Variants in B4GALT5 observed in about 807,000 individuals in gnomAD.
B4GALT5 encodes the protein beta-1,4-galactosyltransferase 5, also known as UDP-Gal:beta-GlcNAc beta-1,4-galactosyltransferase 5.
In B4GALT5, 11 loss-of-function variants were observed where a neutral mutation model predicts 45.0. The ratio of observed to expected loss-of-function variants is 0.24; its 90% CI spans 0.15 to 0.40. The LOEUF is 0.40. Among genes scored for constraint, B4GALT5 ranks in the 10% least tolerant of loss-of-function variants. The pLI, the probability that B4GALT5 is intolerant of heterozygous loss-of-function variation, is 1.00. For missense variants in B4GALT5, 337 were observed against 500.2 expected, an observed-to-expected ratio of 0.67 and a Z score of 3.11; for synonymous variants, 185 against 182.9, an observed-to-expected ratio of 1.01 and a Z score of -0.09.
Position 49,637,436 on chromosome 20 carries a change from C to T in B4GALT5, c.924G>A (p.Gln308=), listed in dbSNP as rs763114761. ...GEDDDLWNRV[Q]NAGYSVSRPE... The stretch of plus-strand genomic sequence containing the variant: ...GCCGGCTCACAGAATAGCCTGCATT[C>T]TGTACTCTGTCCAAGACCAAGAGAA... The change falls in exon 8 of 9, where the codon CAG becomes CAA. Residue 308 remains glutamine, a synonymous_variant. Coordinates refer to ENST00000371711, the MANE Select transcript of B4GALT5 (RefSeq NM_004776.4). 2.5e-6 allele frequency: 4 copies of T among 1,613,754 alleles called. No homozygotes were observed. The South Asian group carries it at 4.4e-5, about 18-fold the overall frequency.
At chr20:49,663,457 T>G (rs942949813) in intron 1 of B4GALT5, among the ~76,000 whole-genome samples, 1 of 148,024 alleles carries the variant, frequency 6.8e-6, no homozygotes, top group Non-Finnish European at 1.5e-5. Flanking sequence ...AAAAAAAACA[T>G]AGGAAGAGTA....
At chr20:49,684,025 C>A (rs1054314333) in intron 1 of B4GALT5, among the ~76,000 whole-genome samples, 11 of 151,820 alleles carry the variant, frequency 7.2e-5, no homozygotes, top group African/African-American at 2.4e-4. Context: ...CTTGTAATCT[C>A]AGCTACTTGG....
chr20:49,697,822 A>C (rs907076958), intron 1 of B4GALT5, among the ~76,000 whole-genome samples: 1 of 152,184 alleles, frequency 6.6e-6, no homozygotes, highest in African/African-American at 2.4e-5. Context: ...TGAAATTATT[A>C]AATGTTATCT....
rs569501339 is a variant in B4GALT5 at position 49,699,754 on chromosome 20, T to C, written c.115+13822A>G. Among the ~76,000 whole-genome samples the C allele has an allele frequency of 4.6e-5, 7 of 152,266 alleles. No individual in the cohort carries two copies. The South Asian group carries it at 1.0e-3, about 23-fold the overall frequency. On this transcript the variant is annotated intron_variant, in intron 1 of 8. Transcript: ENST00000371711. ...CCTACCTCCCTCACAATCTGCCCAA[T>C]AGGAAATTCCTTGTGGACCTCAACA...
intron 1 of B4GALT5, among the ~76,000 whole-genome samples, chr20:49,708,714 A>G (rs2085895125): frequency 6.6e-6 from 1 of 152,150 alleles, no homozygotes; most frequent in South Asian, 2.1e-4. Context: ...ATGGGAGGCC[A>G]AGGTGGGCAG....
intron 5 of B4GALT5, 64 bp downstream of exon 5, chr20:49,642,404 C>T (rs1331448605): frequency 1.6e-5 from 20 of 1,241,624 alleles, no homozygotes; most frequent in Non-Finnish European, 2.2e-5. Flanking sequence ...AGTGGATTAG[C>T]TTGCAGCAAC....
intron 1 of B4GALT5, among the ~76,000 whole-genome samples, chr20:49,712,459 GC>G (rs933830312): frequency 1.1e-4 from 16 of 150,570 alleles, no homozygotes; most frequent in Admixed American, 6.6e-4. Flanking sequence ...TATGCTTGGG[GC>G]AGGCGGGGGA....
In B4GALT5 at chr20:49,698,869, C is replaced by T. The variant is rs115141093; in HGVS notation, c.115+14707G>A. Among the ~76,000 whole-genome samples, 516 of 152,268 alleles carry T rather than the reference C, an allele frequency of 3.4e-3. 1 individual carries two copies. Among genetic ancestry groups the T allele is most frequent in the African/African-American group, 0.012 (479 of 41,544 alleles). On this transcript the variant is annotated intron_variant, in intron 1 of 8. Transcript: ENST00000371711. ...CCAAGAGTATGGAGCACAAGACTAG[C>T]TGTTTATTAATAACATGCTTATTTT...
intron 7 of B4GALT5, among the ~76,000 whole-genome samples, chr20:49,637,814 C>T (rs544918819): frequency 1.5e-4 from 22 of 151,176 alleles, no homozygotes; most frequent in African/African-American, 5.3e-4. Flanking sequence ...TGGTGCAGGT[C>T]TGTAATCCCA....
chr20:49,637,949 GA>G (rs1311992720), intron 7 of B4GALT5, among the ~76,000 whole-genome samples: 11 of 151,818 alleles, frequency 7.2e-5, no homozygotes, highest in Non-Finnish European at 1.6e-4. Context: ...GAAAAGTACG[GA>G]AAGAAATGGT....
chr20:49,642,591 T>C lies in B4GALT5; in HGVS notation c.490-7A>G. On this transcript the variant is annotated splice_region_variant and splice_polypyrimidine_tract_variant and intron_variant, in intron 4 of 8. Coordinates refer to ENST00000371711, the MANE Select transcript of B4GALT5 (RefSeq NM_004776.4). ...AGGGGATAAGGATCGCCACCTGGAG[T>C]GGATTACAGCAAAAGAAGCACAGTT... The C allele has an allele frequency of 6.2e-7, 1 of 1,601,088 alleles. No individual in the cohort carries two copies. The highest frequency in any genetic ancestry group is 8.5e-7 in the Non-Finnish European group (1 of 1,169,806).
At chr20:49,652,375 G>GA (rs1465689886) in intron 2 of B4GALT5, among the ~76,000 whole-genome samples, 1 of 151,418 alleles carries the variant, frequency 6.6e-6, no homozygotes, top group Non-Finnish European at 1.5e-5. Flanking sequence ...CTCTCTGCTT[G>GA]AAAAAAATAT....
At chr20:49,644,977 G>T (rs2085593097) in intron 3 of B4GALT5, among the ~76,000 whole-genome samples, 2 of 152,042 alleles carry the variant, frequency 1.3e-5, no homozygotes, top group African/African-American at 4.8e-5. Flanking sequence ...AAGCCTAAAA[G>T]TATAGGAAAG....
chr20:49,677,859 C>T (rs2146347390), intron 1 of B4GALT5, among the ~76,000 whole-genome samples: 1 of 152,328 alleles, frequency 6.6e-6, no homozygotes, highest in Admixed American at 6.5e-5. Context: ...AATTCTCCTG[C>T]CTCAGCCTCC....
chr20:49,640,759 G>T, intron 5 of B4GALT5, 94 bp from the exon 6 acceptor site: 1 of 1,286,102 alleles, frequency 7.8e-7, no homozygotes, highest in Non-Finnish European at 1.0e-6. Flanking sequence ...AGAACCAACT[G>T]GAAAAGATCA....
At position 49,634,494 on chromosome 20, in the gene B4GALT5, C is replaced by G. The variant is rs544462587; in HGVS notation, c.*1818G>C. On this transcript the variant is annotated 3_prime_UTR_variant, in exon 9 of 9. Coordinates refer to ENST00000371711, the MANE Select transcript of B4GALT5 (RefSeq NM_004776.4). ...GCATTTTCCAGAATTCTGCAGAAGCCGACAGAGACTACAATTTGAGGGCTT... is the reference window on the plus strand; with the variant it reads ...GCATTTTCCAGAATTCTGCAGAAGCGGACAGAGACTACAATTTGAGGGCTT... 6.6e-6 allele frequency: 1 copy of G among 152,082 alleles called. No homozygotes were observed. Among genetic ancestry groups the G allele is most frequent in the South Asian group, 2.1e-4 (1 of 4,814 alleles). The allele number at this position is 152,082 out of a possible 1,614,324, so 9.4% of individuals were successfully genotyped here. A position where few individuals can be genotyped will look rare whatever the true frequency, so the allele number is the denominator to read the frequency against.
At chr20:49,642,294 G>A (rs2085580451) in intron 5 of B4GALT5, among the ~76,000 whole-genome samples, 174 bp downstream of exon 5, 1 of 152,186 alleles carries the variant, frequency 6.6e-6, no homozygotes. Flanking sequence ...CTGGGCAACA[G>A]ACATCTCAAA....
intron 1 of B4GALT5, among the ~76,000 whole-genome samples, chr20:49,664,421 T>TACACAC (rs55990435): frequency 0.042 from 5,351 of 128,818 alleles, 144 homozygotes; most frequent in South Asian, 0.082. Context: ...GGTCTCCAAA[T>TACACAC]ACACACACAC....
chr20:49,677,430 G>C (rs899606415), intron 1 of B4GALT5, among the ~76,000 whole-genome samples: 9 of 152,084 alleles, frequency 5.9e-5, no homozygotes, highest in African/African-American at 2.2e-4. Context: ...GACAACTTTG[G>C]CACTGGCTAA....
Sources: gnomAD v4.1 joint callset for allele counts (sites outside exome capture counted in the v4.1 genomes callset) on GRCh38, gnomAD v4.1.1 for gene constraint, MANE v1.5 for transcripts, NCBI Gene and HGNC (gene_info 2026-07-23, HGNC 2026-07-21) for gene names.